PCDHB3: variants seen among roughly 807,000 people sequenced by gnomAD.
PCDHB3 encodes the protein protocadherin beta 3, also known as protocadherin beta-3.
For missense variants in PCDHB3, 967 were observed against 1,012.1 expected (o/e 0.96, Z 0.60); for synonymous variants, 479 against 456.0 (o/e 1.05, Z -0.64).
At position 141,102,906 on chromosome 5, in the gene PCDHB3, G is replaced by C; in HGVS notation, c.2257G>C (p.Val753Leu). Residue 753 changes from valine to leucine, a missense_variant, in exon 1 of 1, where the codon GTG (valine) becomes CTG (leucine). Coordinates refer to ENST00000231130, the MANE Select transcript of PCDHB3 (RefSeq NM_018937.5). ...CCTGTCCCAGAGCTACCAGTACGAG[G>C]TGTGTCTGACTGGAGGCTCCGGGAC... ...GTLSQSYQYEVCLTGGSGTNE... is the reference protein window; with the variant it reads ...GTLSQSYQYELCLTGGSGTNE... 1.9e-6 allele frequency: 3 copies of C among 1,613,590 alleles called. No homozygotes were observed. Among genetic ancestry groups the C allele is most frequent in the Non-Finnish European group, 2.5e-6 (3 of 1,179,618 alleles).
rs782275129 is a variant in PCDHB3, at chr5:141,102,932, A to C, written c.2283A>C (p.Thr761=). 4.3e-6 allele frequency: 7 copies of C among 1,612,600 alleles called. No homozygotes were observed. In the African/African-American group the frequency reaches 9.4e-5, roughly 22 times the overall value. Residue 761 remains threonine, a synonymous_variant, in exon 1 of 1, where the codon ACA becomes ACC. Coordinates refer to ENST00000231130, the MANE Select transcript of PCDHB3 (RefSeq NM_018937.5). ...TGTGTCTGACTGGAGGCTCCGGGAC[A>C]AATGAGTTCAAGTTCCTGAAGCCAA... ...YEVCLTGGSG[T]NEFKFLKPII...
At position 141,102,777 on chromosome 5, in the gene PCDHB3, G is replaced by T. The variant is rs1751993481; in HGVS notation, c.2128G>T (p.Ala710Ser). ...LFLFSVLLFV[A>S]VRLCRRSRAA... ...CCTCTTTTCGGTGCTCCTGTTCGTG[G>T]CGGTGCGGCTGTGCAGGAGGAGCAG... Residue 710 changes from alanine (A) to serine (S), a missense_variant, in exon 1 of 1, where the codon GCG becomes TCG. Transcript: ENST00000231130. 5.0e-6 allele frequency: 8 copies of T among 1,612,190 alleles called. No individual in the cohort carries two copies. Among genetic ancestry groups the T allele is most frequent in the Non-Finnish European group, 6.8e-6 (8 of 1,179,756 alleles).
chr5:141,100,531 C>T lies in PCDHB3; in HGVS notation c.-119C>T. The T allele has an allele frequency of 2.5e-6, 2 of 796,104 alleles. No individual in the cohort carries two copies. The highest frequency in any genetic ancestry group is 5.2e-5 in the Admixed American group (2 of 38,634). 49.3% of individuals were successfully genotyped at this position (796,104 alleles called of 1,614,324 possible). A position where few individuals can be genotyped will look rare whatever the true frequency, so the allele number is the denominator to read the frequency against. On this transcript the variant is annotated 5_prime_UTR_variant, in exon 1 of 1. Coordinates refer to ENST00000231130, the MANE Select transcript of PCDHB3 (RefSeq NM_018937.5). Reference sequence around the variant, plus strand: ...GATTTTTGAGCCAGCAAGTCTGAGCCTCTGGAAAGGCTTATTCACTAGGCC... The same window carrying T: ...GATTTTTGAGCCAGCAAGTCTGAGCTTCTGGAAAGGCTTATTCACTAGGCC...
rs373175296 is a variant in PCDHB3 at position 141,102,671 on chromosome 5, G to A, written c.2022G>A (p.Pro674=). The A allele has an allele frequency of 1.2e-6, 2 of 1,611,314 alleles. No individual in the cohort carries two copies. The highest frequency in any genetic ancestry group is 2.2e-5 in the East Asian group (1 of 44,878). The change falls in exon 1 of 1, where the codon CCG becomes CCA. Residue 674 remains proline (P), a synonymous_variant. Transcript: ENST00000231130. ...DGFSQPYLPL[P]EAAPAQAQAD... ...TCTCCCAGCCCTACCTGCCTCTCCC[G>A]GAGGCGGCACCGGCCCAGGCCCAGG... is the stretch of plus-strand genomic sequence containing the variant.
rs782085811 is a variant in PCDHB3 at position 141,101,782 on chromosome 5, A to G, written c.1133A>G (p.Asn378Ser). 4 of 1,614,092 alleles carry G rather than the reference A, an allele frequency of 2.5e-6. No individual in the cohort carries two copies. In the East Asian group the frequency reaches 8.9e-5, roughly 36 times the overall value. The change falls in exon 1 of 1, where the codon AAC becomes AGC. Residue 378 changes from asparagine to serine, a missense_variant. By Grantham distance (46) the Asn-to-Ser change is conservative. Coordinates refer to ENST00000231130, the MANE Select transcript of PCDHB3 (RefSeq NM_018937.5). ...GTTTCTGATCTAGACTCTGGAGACA[A>G]CGGAAGAGTGATGTGTTCCATTGAG... ...FSVSDLDSGD[N>S]GRVMCSIENN...
rs2907331 is a variant in PCDHB3, at chr5:141,102,626, T to C, written c.1977T>C (p.His659=). 1,952 of 1,601,202 alleles carry C rather than the reference T, an allele frequency of 1.2e-3. 4 individuals carry two copies. The highest frequency in any genetic ancestry group is 1.5e-3 in the Non-Finnish European group (1,713 of 1,173,694). ...CGCGCTCGGCCACCGCCACGCTGCA[T>C]GTGCTCCTGGTGGACGGCTTCTCCC... The part of the protein sequence containing the change: ...EPPRSATATL[H]VLLVDGFSQP... The change falls in exon 1 of 1, where the codon CAT becomes CAC. Residue 659 remains histidine, a synonymous_variant. Transcript: ENST00000231130.
In PCDHB3 at chr5:141,102,694, A is replaced by G. The variant is rs367709919; in HGVS notation, c.2045A>G (p.Gln682Arg). Residue 682 changes from glutamine (Q) to arginine (R), a missense_variant, in exon 1 of 1, where the codon CAG becomes CGG. By Grantham distance (43) the Gln-to-Arg change is conservative (BLOSUM62 1). Coordinates refer to ENST00000231130, the MANE Select transcript of PCDHB3 (RefSeq NM_018937.5). ...PLPEAAPAQA[Q>R]ADLLTVYLVV... ...CCGGAGGCGGCACCGGCCCAGGCCCAGGCCGACTTGCTCACCGTCTACCTG... is the reference window on the plus strand; with the variant it reads ...CCGGAGGCGGCACCGGCCCAGGCCCGGGCCGACTTGCTCACCGTCTACCTG... The G allele has an allele frequency of 1.3e-4, 212 of 1,611,712 alleles. 2 individuals are homozygous for G. The East Asian group carries it at 3.7e-3, about 28-fold the overall frequency.
chr5:141,101,498 T>A lies in PCDHB3; in HGVS notation c.849T>A (p.His283Gln). Residue 283 changes from histidine to glutamine, a missense_variant, in exon 1 of 1, where the codon CAT becomes CAA. Physicochemically the swap from His to Gln is conservative, Grantham distance 24 (BLOSUM62 0). Transcript: ENST00000231130. Reference protein sequence around the residue: ...SFGTISYAFFHASEEIRKTFQ... With the variant: ...SFGTISYAFFQASEEIRKTFQ... ...GGACAATATCATATGCATTTTTTCA[T>A]GCTTCTGAAGAAATTCGCAAAACTT... 6.2e-7 allele frequency: 1 copy of A among 1,614,220 alleles called. No homozygotes were observed. The highest frequency in any genetic ancestry group is 1.6e-4 in the Middle Eastern group (1 of 6,062).
chr5:141,101,845 AT>A lies in PCDHB3; in HGVS notation c.1201del (p.Tyr401ThrfsTer3), dbSNP rs782773354. 1 of 1,614,060 alleles carries A rather than the reference AT, an allele frequency of 6.2e-7. No individual in the cohort carries two copies. Among genetic ancestry groups the A allele is most frequent in the South Asian group, 1.1e-5 (1 of 91,078 alleles). ...LPFFLKPSVE[N>X]FYTLVSEGAL... ...TTCTTCCTGAAACCATCTGTAGAGA[AT>A]TTTTACACCCTAGTGTCAGAAGGCG... On this transcript the variant is annotated frameshift_variant, in exon 1 of 1. Transcript: ENST00000231130. LOFTEE classifies it low-confidence loss of function (END_TRUNC).
rs17844391 is a variant in PCDHB3 at position 141,101,893 on chromosome 5, C to G, written c.1244C>G (p.Ser415Cys). 1,288 of 1,614,166 alleles carry G rather than the reference C, an allele frequency of 8.0e-4. 31 individuals carry two copies. The East Asian group carries it at 0.023, about 29-fold the overall frequency. The change falls in exon 1 of 1, where the codon TCC (serine) becomes TGC (cysteine). Residue 415 changes from serine to cysteine, a missense_variant. Transcript: ENST00000231130. ...SEGALDRETR[S>C]EYNITITITD... Reference sequence around the variant, plus strand: ...GGCGCGCTGGACAGAGAGACCAGATCCGAGTACAACATTACCATCACTATC... The same window carrying G: ...GGCGCGCTGGACAGAGAGACCAGATGCGAGTACAACATTACCATCACTATC...
rs1554272644 is a variant in PCDHB3 at position 141,102,683 on chromosome 5, G to C, written c.2034G>C (p.Pro678=). The C allele has an allele frequency of 2.5e-6, 4 of 1,611,538 alleles. No individual in the cohort carries two copies. Among genetic ancestry groups the C allele is most frequent in the East Asian group, 2.2e-5 (1 of 44,864 alleles). ...ACCTGCCTCTCCCGGAGGCGGCACCGGCCCAGGCCCAGGCCGACTTGCTCA... is the reference window on the plus strand; with the variant it reads ...ACCTGCCTCTCCCGGAGGCGGCACCCGCCCAGGCCCAGGCCGACTTGCTCA... ...QPYLPLPEAA[P]AQAQADLLTV... The change falls in exon 1 of 1, where the codon CCG becomes CCC. Residue 678 remains proline, a synonymous_variant. Transcript: ENST00000231130.
In PCDHB3 at chr5:141,101,924, C is replaced by A. The variant is rs2149615975; in HGVS notation, c.1275C>A (p.Asp425Glu). Residue 425 changes from aspartate to glutamate, a missense_variant, in exon 1 of 1, where the codon GAC becomes GAA. Physicochemically the swap from Asp to Glu is conservative, Grantham distance 45. Transcript: ENST00000231130. ...SEYNITITIT[D>E]LGTPRLKTKY... ...ACAACATTACCATCACTATCACTGA[C>A]CTGGGGACACCCAGGCTGAAAACCA... is the stretch of plus-strand genomic sequence containing the variant. The A allele has an allele frequency of 5.0e-6, 8 of 1,614,098 alleles. No individual in the cohort carries two copies. Among genetic ancestry groups the A allele is most frequent in the Non-Finnish European group, 6.8e-6 (8 of 1,180,034 alleles).
rs1017346242 is a variant in PCDHB3 at position 141,103,301 on chromosome 5, A to G, written c.*261A>G. 7 of 351,828 alleles carry G rather than the reference A, an allele frequency of 2.0e-5. No individual in the cohort carries two copies. The highest frequency in any genetic ancestry group is 2.1e-5 in the African/African-American group (1 of 47,500). 21.8% of individuals were successfully genotyped at this position (351,828 alleles called of 1,614,324 possible). A position where few individuals can be genotyped will look rare whatever the true frequency, so the allele number is the denominator to read the frequency against. ...TATATATTGATTCTACTTTTTCTGTAGTTAATCCTTGCATATTCTCCTTTC... is the reference window on the plus strand; with the variant it reads ...TATATATTGATTCTACTTTTTCTGTGGTTAATCCTTGCATATTCTCCTTTC... On this transcript the variant is annotated 3_prime_UTR_variant, in exon 1 of 1. Transcript: ENST00000231130.
In PCDHB3 at chr5:141,102,284, G is replaced by T. The variant is rs782215184; in HGVS notation, c.1635G>T (p.Ala545=). ...DRGSPALSSE[A]LVRVLVLDAN... is the part of the protein sequence containing the mutation. The stretch of plus-strand genomic sequence containing the variant: ...GCTCCCCGGCTTTGAGCAGCGAGGC[G>T]CTGGTGCGCGTGCTGGTGCTGGACG... The change falls in exon 1 of 1, where the codon GCG becomes GCT. Residue 545 remains alanine, a synonymous_variant. Transcript: ENST00000231130. 6.2e-7 allele frequency: 1 copy of T among 1,611,816 alleles called. No homozygotes were observed.
Position 141,102,682 on chromosome 5 carries a change from C to T in PCDHB3, c.2033C>T (p.Pro678Leu), listed in dbSNP as rs1554272641. Reference protein sequence around the residue: ...QPYLPLPEAAPAQAQADLLTV... With the variant: ...QPYLPLPEAALAQAQADLLTV... ...TACCTGCCTCTCCCGGAGGCGGCAC[C>T]GGCCCAGGCCCAGGCCGACTTGCTC... The change falls in exon 1 of 1, where the codon CCG becomes CTG. Residue 678 changes from proline to leucine, a missense_variant. By Grantham distance (98) the Pro-to-Leu change is moderately conservative. Coordinates refer to ENST00000231130, the MANE Select transcript of PCDHB3 (RefSeq NM_018937.5). 5 of 1,611,600 alleles carry T rather than the reference C, an allele frequency of 3.1e-6. No individual in the cohort carries two copies. The highest frequency in any genetic ancestry group is 2.5e-6 in the Non-Finnish European group (3 of 1,179,796).
At position 141,103,091 on chromosome 5, in the gene PCDHB3, C is replaced by G; in HGVS notation, c.*51C>G. On this transcript the variant is annotated 3_prime_UTR_variant, in exon 1 of 1. Coordinates refer to ENST00000231130, the MANE Select transcript of PCDHB3 (RefSeq NM_018937.5). ...CGTCTTAGTTAATCTGTGGAAAGTC[C>G]TTTTTTACTGCTTTGTCCATTGGAG... The G allele has an allele frequency of 1.3e-6, 2 of 1,547,022 alleles. No individual in the cohort carries two copies. Among genetic ancestry groups the G allele is most frequent in the Non-Finnish European group, 1.7e-6 (2 of 1,148,174 alleles).
In PCDHB3 at chr5:141,102,403, T is replaced by G; in HGVS notation, c.1754T>G (p.Leu585Arg). The part of the protein sequence containing the change: ...LVPRAAEPGY[L>R]VTKVVAVDGD... ...CCCCGGGCGGCTGAGCCGGGCTACC[T>G]GGTGACCAAGGTGGTGGCGGTGGAC... Residue 585 changes from leucine (L) to arginine (R), a missense_variant, in exon 1 of 1, where the codon CTG becomes CGG. Leu to Arg is a moderately radical substitution (Grantham distance 102). Transcript: ENST00000231130. The G allele has an allele frequency of 6.2e-7, 1 of 1,611,002 alleles. No individual in the cohort carries two copies. Among genetic ancestry groups the G allele is most frequent in the Non-Finnish European group, 8.5e-7 (1 of 1,179,670 alleles).
Position 141,101,580 on chromosome 5 carries a change from G to A in PCDHB3, c.931G>A (p.Ala311Thr). 6.2e-7 allele frequency: 1 copy of A among 1,614,160 alleles called. No individual in the cohort carries two copies. Among genetic ancestry groups the A allele is most frequent in the Non-Finnish European group, 8.5e-7 (1 of 1,180,018 alleles). The change falls in exon 1 of 1, where the codon GCG becomes ACG. Residue 311 changes from alanine to threonine, a missense_variant. Transcript: ENST00000231130. ...MQLVKYLNFE[A>T]INSYEVDIEA... The stretch of plus-strand genomic sequence containing the variant: ...ACTGGTCAAATATTTGAATTTTGAA[G>A]CGATTAATAGTTATGAAGTCGACAT...
chr5:141,101,899 A>G lies in PCDHB3; in HGVS notation c.1250A>G (p.Tyr417Cys), dbSNP rs374483334. 3.1e-6 allele frequency: 5 copies of G among 1,614,172 alleles called. No individual in the cohort carries two copies. The African/African-American group carries it at 6.7e-5, about 22-fold the overall frequency. The stretch of plus-strand genomic sequence containing the variant: ...CTGGACAGAGAGACCAGATCCGAGT[A>G]CAACATTACCATCACTATCACTGAC... ...GALDRETRSE[Y>C]NITITITDLG... The change falls in exon 1 of 1, where the codon TAC becomes TGC. Residue 417 changes from tyrosine to cysteine, a missense_variant. Tyr to Cys is a radical substitution (Grantham distance 194). Transcript: ENST00000231130.
Sources: allele counts gnomAD v4.1 joint callset, GRCh38; gene constraint gnomAD v4.1.1; transcripts MANE v1.5; gene names NCBI Gene and HGNC (gene_info 2026-07-23, HGNC 2026-07-21).